Variants in XYLT1 observed in about 807,000 individuals in gnomAD.
XYLT1 encodes the protein xylosyltransferase 1.
In XYLT1, 36 loss-of-function variants were observed where a neutral mutation model predicts 91.3. The observed-to-expected ratio is 0.39, with a 90% CI of 0.30 to 0.52. The LOEUF (loss-of-function observed/expected upper bound fraction) is 0.52. XYLT1 is among the 20% of genes least tolerant of loss of function. The probability of loss-of-function intolerance (pLI) is 0.68; values close to 1 mark genes in which losing one functional copy is unlikely to be tolerated. For missense variants in XYLT1, 1,242 were observed against 1,284.5 expected (o/e 0.97, Z 0.51); for synonymous variants, 588 against 532.0 (o/e 1.11, Z -1.45).
At chr16:17,236,023 C>T (rs1435186970) in intron 3 of XYLT1, among the ~76,000 whole-genome samples, 1 of 152,134 alleles carries the variant, frequency 6.6e-6, no homozygotes, top group Non-Finnish European at 1.5e-5. Context: ...TGCGCCACCA[C>T]ACCCAGCTAA....
At chr16:17,204,596 C>G (rs2032606184) in intron 3 of XYLT1, among the ~76,000 whole-genome samples, 1 of 152,104 alleles carries the variant, frequency 6.6e-6, no homozygotes, top group Non-Finnish European at 1.5e-5. Flanking sequence ...GAAAGATCAA[C>G]CATTTACTGA....
intron 9 of XYLT1, among the ~76,000 whole-genome samples, chr16:17,129,667 CCAACCCACTAG>C (rs2030398414): frequency 3.9e-5 from 6 of 152,244 alleles, no homozygotes; most frequent in African/African-American, 1.4e-4. Context: ...AAGCTGTCTC[CCAACCCACTAG>C]CAAAGTGTGA....
At chr16:17,396,779 G>A (rs1164140623) in intron 1 of XYLT1, among the ~76,000 whole-genome samples, 1 of 152,138 alleles carries the variant, frequency 6.6e-6, no homozygotes, top group Non-Finnish European at 1.5e-5. Flanking sequence ...TCTGAGGCAG[G>A]AGAATGGCTT....
At chr16:17,139,108 G>T (rs1276327667) in intron 7 of XYLT1, among the ~76,000 whole-genome samples, 1 of 152,186 alleles carries the variant, frequency 6.6e-6, no homozygotes, top group Non-Finnish European at 1.5e-5. Context: ...TAAGGGATCT[G>T]AGAAAGAGGC....
At chr16:17,118,272 GTGAA>G (rs1336171969) in intron 10 of XYLT1, among the ~76,000 whole-genome samples, 1 of 43,642 alleles carries the variant, frequency 2.3e-5, no homozygotes, top group African/African-American at 5.0e-5. Flanking sequence ...AGCTGAATGA[GTGAA>G]TGAATGAACG....
intron 6 of XYLT1, among the ~76,000 whole-genome samples, chr16:17,143,321 C>A (rs1005215063): frequency 6.6e-6 from 1 of 152,060 alleles, no homozygotes. Context: ...ACCATTTTCA[C>A]GTATTACGTG....
intron 5 of XYLT1, among the ~76,000 whole-genome samples, chr16:17,189,542 G>A (rs1455925840): frequency 6.6e-6 from 1 of 152,138 alleles, no homozygotes; most frequent in Non-Finnish European, 1.5e-5. Flanking sequence ...AGGAGACAGG[G>A]GCTTTGGGAA....
chr16:17,120,404 C>A, intron 10 of XYLT1, among the ~76,000 whole-genome samples: 1 of 152,042 alleles, frequency 6.6e-6, no homozygotes, highest in East Asian at 1.9e-4. Context: ...CTTCCACTTG[C>A]TCCTTGCTCC....
intron 5 of XYLT1, among the ~76,000 whole-genome samples, chr16:17,191,913 T>C (rs907835482): frequency 3.9e-5 from 6 of 152,178 alleles, no homozygotes; most frequent in African/African-American, 1.2e-4. Flanking sequence ...TTCCCCTGCC[T>C]GGTTTCTGTA....
intron 3 of XYLT1, chr16:17,250,071 T>C (rs2033512832): frequency 6.6e-6 from 1 of 152,252 alleles, no homozygotes; most frequent in Non-Finnish European, 1.5e-5. Flanking sequence ...AGACATTAGA[T>C]TGCAGATGTG....
intron 1 of XYLT1, among the ~76,000 whole-genome samples, chr16:17,456,183 C>A (rs1387524888): frequency 6.6e-6 from 1 of 151,884 alleles, no homozygotes; most frequent in East Asian, 1.9e-4. Context: ...TAGATGTCCA[C>A]GTCCACAGTC....
chr16:17,215,021 G>T (rs1160450236), intron 3 of XYLT1, among the ~76,000 whole-genome samples: 5 of 152,150 alleles, frequency 3.3e-5, no homozygotes, highest in African/African-American at 1.2e-4. Context: ...CCTCTCCTGT[G>T]ACCGTATTGG....
chr16:17,279,446 C>A (rs1041434901), intron 2 of XYLT1, among the ~76,000 whole-genome samples: 1 of 152,184 alleles, frequency 6.6e-6, no homozygotes, highest in Non-Finnish European at 1.5e-5. Flanking sequence ...CCACACAGAT[C>A]AGGGATTTAA....
chr16:17,141,068 CTT>C (rs1401448593), intron 7 of XYLT1, 83 bp downstream of exon 7: 4 of 1,392,694 alleles, frequency 2.9e-6, no homozygotes, highest in East Asian at 2.3e-5. Flanking sequence ...CCCAGAATCT[CTT>C]TGCCAAAAAT....
intron 2 of XYLT1, among the ~76,000 whole-genome samples, chr16:17,280,970 T>C (rs1001230465): frequency 3.3e-5 from 5 of 152,212 alleles, no homozygotes; most frequent in Admixed American, 2.6e-4. Context: ...AAAATGCAGA[T>C]GCCCAGGTGC....
intron 1 of XYLT1, among the ~76,000 whole-genome samples, chr16:17,439,915 C>A (rs963110069): frequency 5.3e-5 from 8 of 152,216 alleles, no homozygotes; most frequent in Admixed American, 2.0e-4. Flanking sequence ...TCACTCACTT[C>A]TAATAAACAG....
At chr16:17,325,374 C>T (rs1170715338) in intron 2 of XYLT1, among the ~76,000 whole-genome samples, 2 of 152,186 alleles carry the variant, frequency 1.3e-5, no homozygotes, top group South Asian at 2.1e-4. Flanking sequence ...GCACTCTAGC[C>T]TGGGCGACAG....
At chr16:17,198,512 T>G in intron 4 of XYLT1, 98 bp from the exon 5 acceptor site, 1 of 1,293,492 alleles carries the variant, frequency 7.7e-7, no homozygotes, top group African/African-American at 1.5e-5. Context: ...TCCCTCCTGG[T>G]TGGGCACTTC....
chr16:17,379,759 T>TTTCACACACA (rs1555501193), intron 1 of XYLT1, among the ~76,000 whole-genome samples: 1 of 117,940 alleles, frequency 8.5e-6, no homozygotes, highest in African/African-American at 3.9e-5. Context: ...TCTCTCTCTC[T>TTTCACACACA]CTCTCACACA....
Sources: gnomAD v4.1 joint callset for allele counts (sites outside exome capture counted in the v4.1 genomes callset) on GRCh38, gnomAD v4.1.1 for gene constraint, MANE v1.5 for transcripts, NCBI Gene and HGNC (gene_info 2026-07-23, HGNC 2026-07-21) for gene names.